Variants in RGS6 observed in about 807,000 individuals in gnomAD.
RGS6 encodes the protein regulator of G protein signaling 6, also known as regulator of G-protein signaling 6.
Under a neutral mutation model 78.5 loss-of-function variants are expected in RGS6, and 30 were observed. The ratio of observed to expected loss-of-function variants is 0.38; its 90% CI spans 0.29 to 0.52. The LOEUF is 0.52. Ranked by LOEUF, RGS6 falls within the 20% of genes least tolerant of loss-of-function variation. RGS6 has a pLI of 0.85. For synonymous variants in RGS6, 206 were observed against 206.0 expected, an observed-to-expected ratio of 1.00 and a Z score of 0.00; for missense variants, 495 against 609.7, an observed-to-expected ratio of 0.81 and a Z score of 1.98.
At chr14:72,438,015 T>C (rs1380948048) in intron 3 of RGS6, among the ~76,000 whole-genome samples, 1 of 152,126 alleles carries the variant, frequency 6.6e-6, no homozygotes, top group Non-Finnish European at 1.5e-5. Context: ...CCATCAGTGG[T>C]GGTCGGTGTA....
intron 1 of RGS6, among the ~76,000 whole-genome samples, chr14:71,937,935 G>A (rs2089792356): frequency 6.6e-6 from 1 of 152,158 alleles, no homozygotes; most frequent in Non-Finnish European, 1.5e-5. Context: ...TGGCAATTTG[G>A]GCACTCAGCA....
the RGS6 span, among the ~76,000 whole-genome samples, chr14:72,583,114 T>C: frequency 5.9e-5 from 9 of 152,148 alleles, no homozygotes; most frequent in Non-Finnish European, 1.2e-4. Flanking sequence ...GCATTCAGAC[T>C]CTGAGACTTG....
At chr14:72,398,870 A>G (rs371480964) in intron 3 of RGS6, among the ~76,000 whole-genome samples, 5 of 152,000 alleles carry the variant, frequency 3.3e-5, no homozygotes, top group East Asian at 3.9e-4. Context: ...TTTTGAGTGA[A>G]TTTCTTAATC....
At chr14:72,044,737 G>A (rs2092698329) in intron 2 of RGS6, among the ~76,000 whole-genome samples, 2 of 152,178 alleles carry the variant, frequency 1.3e-5, no homozygotes. Context: ...GCTGAGTGTG[G>A]TGGTGGGTGC....
chr14:72,039,970 A>T (rs2092238883), intron 2 of RGS6, among the ~76,000 whole-genome samples: 1 of 151,936 alleles, frequency 6.6e-6, no homozygotes, highest in Admixed American at 6.6e-5. Context: ...CCTAACTTTG[A>T]TCACATAAAA....
intron 2 of RGS6, among the ~76,000 whole-genome samples, chr14:72,063,734 G>T (rs1359688910): frequency 1.3e-5 from 2 of 152,128 alleles, no homozygotes; most frequent in Non-Finnish European, 2.9e-5. Flanking sequence ...GCATTAGCTG[G>T]AGTTAAGGCA....
intron 3 of RGS6, among the ~76,000 whole-genome samples, chr14:72,366,771 A>G (rs145821039): frequency 2.2e-4 from 34 of 152,308 alleles, no homozygotes; most frequent in African/African-American, 7.9e-4. Context: ...TCAGCGTGCC[A>G]GCTCTATCCA....
intron 14 of RGS6, chr14:72,516,893 C>A (rs993035046): frequency 1.3e-5 from 2 of 152,196 alleles, no homozygotes; most frequent in African/African-American, 4.8e-5. Flanking sequence ...TTACGCTTGG[C>A]TCTGCAGGGT....
chr14:72,579,260 C>G, the RGS6 span, among the ~76,000 whole-genome samples: 1 of 152,146 alleles, frequency 6.6e-6, no homozygotes, highest in Non-Finnish European at 1.5e-5. Flanking sequence ...CCTGGAAGCC[C>G]CTGAATAGTT....
At chr14:71,891,021 G>T in the RGS6 span, among the ~76,000 whole-genome samples, 2 of 152,186 alleles carry the variant, frequency 1.3e-5, no homozygotes, top group Non-Finnish European at 2.9e-5. Flanking sequence ...ATGTCTGGGG[G>T]ACAGGGGTAT....
chr14:72,259,007 A>G (rs1028375787), intron 2 of RGS6, among the ~76,000 whole-genome samples: 4 of 152,186 alleles, frequency 2.6e-5, no homozygotes, highest in East Asian at 1.9e-4. Context: ...GTAGGGAGTC[A>G]TGAAAAATAT....
chr14:72,000,133 T>C (rs946674121), intron 2 of RGS6, among the ~76,000 whole-genome samples: 1 of 152,194 alleles, frequency 6.6e-6, no homozygotes, highest in Non-Finnish European at 1.5e-5. Context: ...ATACACACAT[T>C]ACCTCAGGAA....
intron 2 of RGS6, among the ~76,000 whole-genome samples, chr14:72,340,222 T>A (rs2076738979): frequency 6.6e-6 from 1 of 152,118 alleles, no homozygotes; most frequent in Non-Finnish European, 1.5e-5. Context: ...TATCTCAGTA[T>A]CCCTCCCCAG....
chr14:71,933,285 C>T (rs960278630), intron 1 of RGS6: 6 of 152,178 alleles, frequency 3.9e-5, no homozygotes, highest in African/African-American at 1.2e-4. Context: ...TTCCAGTCTT[C>T]CGATGTTGTG....
chr14:72,203,929 A>T (rs1329557497), intron 2 of RGS6, among the ~76,000 whole-genome samples: 2 of 148,422 alleles, frequency 1.3e-5, no homozygotes, highest in African/African-American at 2.5e-5. Flanking sequence ...AGTTCAAGAG[A>T]TTCTTCTGCC....
intron 2 of RGS6, among the ~76,000 whole-genome samples, chr14:72,016,783 C>G (rs536627099): frequency 6.6e-6 from 1 of 152,188 alleles, no homozygotes; most frequent in African/African-American, 2.4e-5. Context: ...TTTTTTTTGG[C>G]TATTCTAAGC....
chr14:72,035,102 A>G (rs1032082610), intron 2 of RGS6, among the ~76,000 whole-genome samples: 4 of 152,104 alleles, frequency 2.6e-5, no homozygotes, highest in Admixed American at 6.6e-5. Flanking sequence ...TGGCATATAG[A>G]GGGCTCAGTA....
intron 2 of RGS6, among the ~76,000 whole-genome samples, chr14:72,293,434 G>A (rs34404059): frequency 3.3e-5 from 5 of 152,136 alleles, no homozygotes; most frequent in South Asian, 2.1e-4. Context: ...AAAGTTCTTC[G>A]GATGGGCTAG....
At chr14:72,530,045 C>A (rs1270357562) in intron 15 of RGS6, among the ~76,000 whole-genome samples, 1 of 152,218 alleles carries the variant, frequency 6.6e-6, no homozygotes, top group East Asian at 1.9e-4. Context: ...TTTTGATTGA[C>A]AAGTTCTTTC....
Sources: gnomAD v4.1 joint callset for allele counts (sites outside exome capture counted in the v4.1 genomes callset) on GRCh38, gnomAD v4.1.1 for gene constraint, MANE v1.5 for transcripts, NCBI Gene and HGNC (gene_info 2026-07-23, HGNC 2026-07-21) for gene names.